PPP2R5C: variants seen among roughly 807,000 people sequenced by gnomAD.
The protein encoded by PPP2R5C is serine/threonine-protein phosphatase 2A 56 kDa regulatory subunit gamma isoform.
PPP2R5C carries 7 observed loss-of-function variants against 68.9 expected under a neutral mutation model. That is an observed-to-expected ratio of 0.10 (90% CI 0.06 to 0.19). PPP2R5C has a LOEUF of 0.19. PPP2R5C is among the 10% of genes least tolerant of loss of function. The probability of loss-of-function intolerance (pLI) is 1.00; values close to 1 mark genes in which losing one functional copy is unlikely to be tolerated. For synonymous variants in PPP2R5C, 210 were observed against 222.2 expected, an observed-to-expected ratio of 0.95 and a Z score of 0.49; for missense variants, 348 against 641.3, an observed-to-expected ratio of 0.54 and a Z score of 4.94.
At chr14:101,816,431 C>T (rs2039673296) in intron 1 of PPP2R5C, among the ~76,000 whole-genome samples, 1 of 152,138 alleles carries the variant, frequency 6.6e-6, no homozygotes, top group Admixed American at 6.5e-5. Flanking sequence ...AAATCAAAAA[C>T]TCTTCTAGTT....
intron 2 of PPP2R5C, among the ~76,000 whole-genome samples, chr14:101,862,281 C>T (rs2042790504): frequency 6.6e-6 from 1 of 152,186 alleles, no homozygotes; most frequent in South Asian, 2.1e-4. Flanking sequence ...ATGCTGCAGA[C>T]ACTCCTGCTG....
rs2046710399 is a variant in PPP2R5C at position 101,917,049 on chromosome 14, G to A, written c.1327-782G>A. 6.6e-6 allele frequency among the ~76,000 whole-genome samples: 1 copy of A among 152,294 alleles called. No homozygotes were observed. Among genetic ancestry groups the A allele is most frequent in the Middle Eastern group, 3.4e-3 (1 of 294 alleles). Reference sequence around the variant, plus strand: ...TTCGCCTGTGCCCTCAGAGCCAGCAGACGCTCGTCACAGTCATACTGTCCT... The same window carrying A: ...TTCGCCTGTGCCCTCAGAGCCAGCAAACGCTCGTCACAGTCATACTGTCCT... On this transcript the variant is annotated intron_variant, in intron 12 of 13. Transcript: ENST00000334743. The surrounding 1 kb of genome is among the most constrained non-coding windows in gnomAD (Gnocchi z 4.4).
At chr14:101,843,942 GC>G in intron 1 of PPP2R5C, 1 of 161,568 alleles carries the variant, frequency 6.2e-6, no homozygotes, top group Non-Finnish European at 1.3e-5. Flanking sequence ...GTATTTCATA[GC>G]CCAAGGGAAG....
chr14:101,898,275 G>A (rs2045478455), intron 8 of PPP2R5C, among the ~76,000 whole-genome samples: 1 of 152,116 alleles, frequency 6.6e-6, no homozygotes. Context: ...ATATCCTGTA[G>A]TGGCTGAACA....
At chr14:101,853,749 G>A (rs186711300) in intron 1 of PPP2R5C, among the ~76,000 whole-genome samples, 9 of 152,168 alleles carry the variant, frequency 5.9e-5, no homozygotes, top group East Asian at 1.9e-4. Context: ...CTGTGTCCTC[G>A]CCTCTAGATC....
At chr14:101,843,777 C>T in intron 1 of PPP2R5C, 2 of 225,334 alleles carry the variant, frequency 8.9e-6, no homozygotes, top group Non-Finnish European at 9.2e-6. Flanking sequence ...TGGAACCTTG[C>T]TGCCACCTCC....
At chr14:101,829,900 T>C (rs1221730268) in intron 1 of PPP2R5C, among the ~76,000 whole-genome samples, 2 of 152,154 alleles carry the variant, frequency 1.3e-5, no homozygotes, top group East Asian at 1.9e-4. Context: ...ATTGAAATGT[T>C]CACTCCTAGG....
chr14:101,772,710 C>T (rs1456108260), intron 2 of PPP2R5C, among the ~76,000 whole-genome samples: 1 of 152,078 alleles, frequency 6.6e-6, no homozygotes, highest in Non-Finnish European at 1.5e-5. Context: ...GCAGGAGAAT[C>T]CCTGAAACCC....
In PPP2R5C at chr14:101,906,862, A is replaced by C. The variant is rs142847808; in HGVS notation, c.1151+333A>C. Among the ~76,000 whole-genome samples, 1,448 of 152,068 alleles carry C rather than the reference A, an allele frequency of 9.5e-3. 16 individuals are homozygous for C. The highest frequency in any genetic ancestry group is 0.033 in the African/African-American group (1,384 of 41,500). ...TGGGGCTCAGCCCCGGCGGGGGCAC[A>C]GTGGCCACTGCATTCTCGGGGTGTC... is the stretch of plus-strand genomic sequence containing the variant. On this transcript the variant is annotated intron_variant, in intron 10 of 13. Transcript: ENST00000334743. This position sits in a 1 kb window ranked among gnomAD's most constrained non-coding sequence, Gnocchi z 4.0.
intron 2 of PPP2R5C, among the ~76,000 whole-genome samples, chr14:101,875,859 T>C (rs1490883974): frequency 3.3e-5 from 5 of 152,228 alleles, no homozygotes; most frequent in African/African-American, 4.8e-5. Flanking sequence ...TCCTCCGTTT[T>C]TTCGGGCATT....
Position 101,882,380 on chromosome 14 carries a change from G to A in PPP2R5C, c.405+109G>A. On this transcript the variant is annotated intron_variant, in intron 3 of 13. Transcript: ENST00000334743. The surrounding 1 kb of genome is among the most constrained non-coding windows in gnomAD (Gnocchi z 4.9). ...TGGCCAGATGGACCTCTCCTCCTCA[G>A]TAGCATGGGCCTCGTAAACCCATAT... 1.4e-6 allele frequency: 1 copy of A among 704,768 alleles called. No individual in the cohort carries two copies. The highest frequency in any genetic ancestry group is 2.3e-6 in the Non-Finnish European group (1 of 431,432). 43.7% of individuals were successfully genotyped at this position (704,768 alleles called of 1,614,324 possible).
chr14:101,831,389 T>G (rs995118000), intron 1 of PPP2R5C, among the ~76,000 whole-genome samples: 4 of 152,226 alleles, frequency 2.6e-5, no homozygotes, highest in African/African-American at 9.6e-5. Flanking sequence ...ACAAAATAAC[T>G]AGAAGCCAGT....
intron 3 of PPP2R5C, among the ~76,000 whole-genome samples, chr14:101,787,530 A>G (rs377289400): frequency 4.8e-4 from 73 of 152,088 alleles, no homozygotes; most frequent in Non-Finnish European, 7.4e-4. Flanking sequence ...TTGGGAGGCC[A>G]AGGCGGGCGG....
chr14:101,815,461 T>C lies in PPP2R5C; in HGVS notation c.94+5425T>C, dbSNP rs111946073. Among the ~76,000 whole-genome samples the C allele has an allele frequency of 8.7e-3, 1,321 of 152,300 alleles. 13 individuals are homozygous for C. Among genetic ancestry groups the C allele is most frequent in the African/African-American group, 0.03 (1,242 of 41,556 alleles). On this transcript the variant is annotated intron_variant, in intron 1 of 13. Transcript: ENST00000334743. ...GTGTGCAGGGAGAAAGTTGATAATCTTACCTGCTGTCCCAGTTCACTTACC... is the reference window on the plus strand; with the variant it reads ...GTGTGCAGGGAGAAAGTTGATAATCCTACCTGCTGTCCCAGTTCACTTACC...
rs2046768378 is a variant in PPP2R5C, at chr14:101,917,813, C to G, written c.1327-18C>G. On this transcript the variant is annotated intron_variant, in intron 12 of 13. Transcript: ENST00000334743. This position sits in a 1 kb window ranked among gnomAD's most constrained non-coding sequence, Gnocchi z 4.4. The stretch of plus-strand genomic sequence containing the variant: ...AGCCTGGGCACCTAACAGAGCGACT[C>G]CACGCTTTGCATTGCAGTACACAGT... 6.2e-7 allele frequency: 1 copy of G among 1,613,008 alleles called. No homozygotes were observed. The highest frequency in any genetic ancestry group is 1.3e-5 in the African/African-American group (1 of 74,878).
intron 2 of PPP2R5C, among the ~76,000 whole-genome samples, chr14:101,862,602 A>G (rs1301555084): frequency 6.6e-6 from 1 of 152,164 alleles, no homozygotes; most frequent in Non-Finnish European, 1.5e-5. Flanking sequence ...CTCCCTTGTC[A>G]ACTACATTGT....
At chr14:101,761,306 C>T (rs1003113112), upstream of PPP2R5C, among the ~76,000 whole-genome samples, 20 of 152,120 alleles carry the variant, frequency 1.3e-4, no homozygotes, top group Non-Finnish European at 2.5e-4. Context: ...TCCTACGTCT[C>T]ACGCTCTGTC....
At chr14:101,762,803 G>A in intron 1 of PPP2R5C, 102 bp from the exon 2 acceptor site, 2 of 918,558 alleles carry the variant, frequency 2.2e-6, no homozygotes, top group South Asian at 3.0e-5. Flanking sequence ...AATATCAGAA[G>A]CTGTAGTTGT....
intron 2 of PPP2R5C, chr14:101,765,206 C>T (rs1566818330): frequency 1.4e-6 from 1 of 702,774 alleles, no homozygotes; most frequent in South Asian, 1.5e-5. Flanking sequence ...ACTGAAAACA[C>T]TGAAATGTTG....
Sources: allele counts gnomAD v4.1 joint callset (sites outside exome capture counted in the v4.1 genomes callset), GRCh38; gene constraint gnomAD v4.1.1; non-coding constraint Gnocchi (gnomAD v3.1); transcripts MANE v1.5; gene names NCBI Gene and HGNC (gene_info 2026-07-23, HGNC 2026-07-21).